TMEM223: variants seen among roughly 807,000 people sequenced by gnomAD.
TMEM223 encodes the protein transmembrane protein 223.
Under a neutral mutation model 14.1 loss-of-function variants are expected in TMEM223, and 14 were observed. That is an observed-to-expected ratio of 0.99 (90% CI 0.66 to 1.55). TMEM223 has a LOEUF of 1.55. Ranked by LOEUF, TMEM223 falls within the 40% of genes most tolerant of loss-of-function variation. TMEM223 has a pLI of 0.00. For synonymous variants in TMEM223, 145 were observed against 120.5 expected, an observed-to-expected ratio of 1.20 and a Z score of -1.33; for missense variants, 346 against 269.9, an observed-to-expected ratio of 1.28 and a Z score of -1.97.
chr11:62,772,772 T>C (rs2084158088), intron 2 of TMEM223, among the ~76,000 whole-genome samples: 1 of 148,316 alleles, frequency 6.7e-6, no homozygotes, highest in Admixed American at 6.8e-5. Flanking sequence ...CACTCCAGCC[T>C]GGGTGACAGA....
chr11:62,786,728 C>T (rs200048334), downstream of TMEM223: 7 of 1,613,226 alleles, frequency 4.3e-6, no homozygotes, highest in Admixed American at 5.0e-5. Context: ...CCTTCTCTTT[C>T]GGTGACCCTG....
At chr11:62,780,100 C>G (rs1354058335) in intron 1 of TMEM223, among the ~76,000 whole-genome samples, 5 of 149,658 alleles carry the variant, frequency 3.3e-5, no homozygotes, top group African/African-American at 9.8e-5. Flanking sequence ...GGGCGGATCA[C>G]TTGAAGTCAG....
chr11:62,784,955 G>A (rs1018882250), downstream of TMEM223, among the ~76,000 whole-genome samples: 1 of 152,072 alleles, frequency 6.6e-6, no homozygotes, highest in South Asian at 2.1e-4. Flanking sequence ...GAATGATGTG[G>A]GGAGTATTTC....
intron 1 of TMEM223, chr11:62,776,374 T>C: frequency 6.2e-7 from 1 of 1,613,002 alleles, no homozygotes; most frequent in Non-Finnish European, 8.5e-7. Context: ...TTTTGTTCCC[T>C]CCCTCCCAGA....
chr11:62,782,149 C>T (rs760425722), intron 1 of TMEM223: 16 of 1,612,724 alleles, frequency 9.9e-6, no homozygotes, highest in African/African-American at 2.7e-5. Flanking sequence ...GCAACTGCAC[C>T]GGCTGCTGCA....
downstream of TMEM223, chr11:62,786,927 G>A (rs1366374687): frequency 6.7e-7 from 1 of 1,487,044 alleles, no homozygotes; most frequent in Non-Finnish European, 8.9e-7. Flanking sequence ...ACGGCGACGA[G>A]AGCCCCCGGG....
chr11:62,774,543 G>A, intron 2 of TMEM223: 1 of 454,156 alleles, frequency 2.2e-6, no homozygotes, highest in Non-Finnish European at 4.4e-6. Context: ...TCCTGGATCT[G>A]GGCCTTCCTG....
Position 62,791,966 on chromosome 11 carries a change from G to T in TMEM223, c.29C>A (p.Thr10Lys). Residue 10 changes from threonine to lysine, a missense_variant, in exon 1 of 2, where the codon ACG (threonine) becomes AAG (lysine). Physicochemically the swap from Thr to Lys is moderately conservative, Grantham distance 78. Transcript: ENST00000307366. The stretch of plus-strand genomic sequence containing the variant: ...GGGCCGCAGCACGGCTAGCAGCCCC[G>T]TGGGCCATCGCCTCCAAGGCGCCGC... MAAPWRRWP[T>K]GLLAVLRPLL... 6.4e-7 allele frequency: 1 copy of T among 1,565,216 alleles called. No individual in the cohort carries two copies. Among genetic ancestry groups the T allele is most frequent in the Admixed American group, 1.8e-5 (1 of 54,310 alleles).
Position 62,790,461 on chromosome 11 carries a change from A to G in TMEM223, c.*162T>C. ...TTTTTGTTTTTTTTTTTGTAAATAG[A>G]GACAAGGTCTCGCTATGTTGCCCAG... is the stretch of plus-strand genomic sequence containing the variant. On this transcript the variant is annotated 3_prime_UTR_variant, in exon 2 of 2. Coordinates refer to ENST00000307366, the MANE Select transcript of TMEM223 (RefSeq NM_001080501.3). 1.7e-6 allele frequency: 1 copy of G among 593,340 alleles called. No homozygotes were observed. Among genetic ancestry groups the G allele is most frequent in the Non-Finnish European group, 2.8e-6 (1 of 357,148 alleles). 36.8% of individuals were successfully genotyped at this position (593,340 alleles called of 1,614,324 possible).
At chr11:62,786,868 T>C, downstream of TMEM223, 1 of 1,587,996 alleles carries the variant, frequency 6.3e-7, no homozygotes, top group South Asian at 1.1e-5. Context: ...AGCCCCGGAC[T>C]CGGTGCGGAA....
rs773382511 is a variant in TMEM223, at chr11:62,791,729, A to G, written c.266T>C (p.Leu89Pro). The G allele has an allele frequency of 4.2e-5, 66 of 1,556,182 alleles. No homozygotes were observed. Among genetic ancestry groups the G allele is most frequent in the Non-Finnish European group, 5.6e-5 (64 of 1,150,090 alleles). The change falls in exon 1 of 2, where the codon CTG (leucine) becomes CCG (proline). Residue 89 changes from leucine to proline, a missense_variant. By Grantham distance (98) the Leu-to-Pro change is moderately conservative (BLOSUM62 -3). Transcript: ENST00000307366. ...ACCGTAGCGCCAGAGCGCGGAGCGC[A>G]GGTCGAAGGGGCCACGATTTGGGAC... Reference protein sequence around the residue: ...AEVPNRGPFDLRSALWRYGLA... With the variant: ...AEVPNRGPFDPRSALWRYGLA...
At chr11:62,781,411 C>T (rs1204668591) in intron 1 of TMEM223, among the ~76,000 whole-genome samples, 4 of 152,018 alleles carry the variant, frequency 2.6e-5, no homozygotes, top group African/African-American at 9.7e-5. Flanking sequence ...CGGTGGCTCA[C>T]GCCTGTAATC....
intron 1 of TMEM223, among the ~76,000 whole-genome samples, chr11:62,779,972 ATATAT>A (rs1158603387): frequency 2.9e-4 from 18 of 61,480 alleles, no homozygotes; most frequent in African/African-American, 8.8e-4. Context: ...ATATATATAT[ATATAT>A]TTTTTTTTTT....
intron 1 of TMEM223, chr11:62,782,467 C>A: frequency 9.2e-7 from 1 of 1,082,928 alleles, no homozygotes; most frequent in Non-Finnish European, 1.3e-6. Context: ...AGCGTCCTAG[C>A]TGGTGTGCTG....
downstream of TMEM223, chr11:62,787,306 C>A: frequency 6.5e-7 from 1 of 1,529,304 alleles, no homozygotes; most frequent in South Asian, 1.2e-5. Context: ...AGTCAGTGGC[C>A]CCTTCGTTCC....
Position 62,778,520 on chromosome 11 carries a change from TG to T in TMEM223, c.315-3856del, listed in dbSNP as rs898949732. On this transcript the variant is annotated intron_variant, in intron 1 of 2. Coordinates refer to the TMEM223 transcript ENST00000528367. ...AGAGTTGGAGATGGGGGCCCAGACC[TG>T]TAACTAGTCATAATGCAGCATGTTG... 3.4e-5 allele frequency: 23 copies of T among 683,726 alleles called. No homozygotes were observed. The African/African-American group carries it at 3.8e-4, about 11-fold the overall frequency. 42.4% of individuals were successfully genotyped at this position (683,726 alleles called of 1,614,324 possible).
intron 2 of TMEM223, among the ~76,000 whole-genome samples, chr11:62,772,523 C>CAA (rs556866279): frequency 4.1e-5 from 3 of 74,020 alleles, no homozygotes; most frequent in Admixed American, 1.5e-4. Context: ...ACTGTGTCTC[C>CAA]AAAAAAAAAA....
chr11:62,781,033 C>T (rs925337558), intron 1 of TMEM223, among the ~76,000 whole-genome samples: 2 of 150,352 alleles, frequency 1.3e-5, no homozygotes, highest in African/African-American at 2.5e-5. Flanking sequence ...GCCGGGAGTT[C>T]GAGACTAGCC....
downstream of TMEM223, chr11:62,789,215 C>T: frequency 6.2e-7 from 1 of 1,613,966 alleles, no homozygotes; most frequent in Non-Finnish European, 8.5e-7. Context: ...CCACAGGTGA[C>T]TGCCTAACCC....
Sources: gnomAD v4.1 joint callset for allele counts (sites outside exome capture counted in the v4.1 genomes callset) on GRCh38, gnomAD v4.1.1 for gene constraint, MANE v1.5 for transcripts, NCBI Gene and HGNC (gene_info 2026-07-23, HGNC 2026-07-21) for gene names.